The following SPECC1 variants were observed in gnomAD, a reference collection of about 807,000 sequenced individuals.
The protein encoded by SPECC1 is cytospin-B.
A neutral mutation model predicts 104.1 loss-of-function variants in SPECC1; 62 were observed. The ratio of observed to expected loss-of-function variants is 0.60; its 90% CI spans 0.49 to 0.74. SPECC1 has a LOEUF of 0.74. SPECC1 is among the 30% of genes least tolerant of loss of function. The pLI is 0.00. For synonymous variants in SPECC1, 513 were observed against 501.6 expected (o/e 1.02, Z -0.30); for missense variants, 1,306 against 1,310.5 (o/e 1.00, Z 0.05).
rs1567631634 is a variant in SPECC1, at chr17:20,317,231, AT to A, written c.*3167del. 1 of 152,468 alleles carries A rather than the reference AT, an allele frequency of 6.6e-6. No homozygotes were observed. Among genetic ancestry groups the A allele is most frequent in the Non-Finnish European group, 1.3e-5 (1 of 74,602 alleles). 9.4% of individuals were successfully genotyped at this position (152,468 alleles called of 1,614,324 possible). ...GGAGTTTGAGACCAGCCTGGGCAAC[AT>A]GGCAAGACCTCTGACTCTATAAAAA... On this transcript the variant is annotated 3_prime_UTR_variant, in exon 15 of 15. Transcript: ENST00000395527.
At chr17:20,206,531 C>G (rs1032726711) in intron 4 of SPECC1, among the ~76,000 whole-genome samples, 1 of 152,074 alleles carries the variant, frequency 6.6e-6, no homozygotes. Flanking sequence ...TCAGCATATT[C>G]CTATCATTAA....
At chr17:20,169,600 A>G (rs551827351) in intron 3 of SPECC1, among the ~76,000 whole-genome samples, 2 of 152,234 alleles carry the variant, frequency 1.3e-5, no homozygotes, top group South Asian at 4.1e-4. Flanking sequence ...TTATATATAA[A>G]ATAAGGGTAT....
chr17:20,298,948 A>AGAGAGAGAGAGTGTGTGT, intron 13 of SPECC1, among the ~76,000 whole-genome samples: 4 of 49,070 alleles, frequency 8.2e-5, no homozygotes, highest in African/African-American at 1.9e-4. Flanking sequence ...AGAGAGAGAG[A>AGAGAGAGAGAGTGTGTGT]GTGTGTGTGT....
intron 1 of SPECC1, among the ~76,000 whole-genome samples, chr17:20,037,275 G>GT (rs202174253): frequency 1.4e-3 from 209 of 149,200 alleles, no homozygotes; most frequent in African/African-American, 3.8e-3. Context: ...GTTTATTTTT[G>GT]TTTTTTTTTC....
chr17:20,222,265 G>A (rs1045606681), intron 4 of SPECC1, among the ~76,000 whole-genome samples: 6 of 152,172 alleles, frequency 3.9e-5, no homozygotes, highest in East Asian at 3.9e-4. Flanking sequence ...CCCAGGAGGC[G>A]GAGGTTGCAA....
chr17:20,099,710 A>AC (rs1567842072), intron 2 of SPECC1, among the ~76,000 whole-genome samples: 1 of 148,872 alleles, frequency 6.7e-6, no homozygotes, highest in Non-Finnish European at 1.5e-5. Flanking sequence ...AAAAAAAAAA[A>AC]AAAAAAAAAA....
intron 3 of SPECC1, among the ~76,000 whole-genome samples, chr17:20,123,825 G>A (rs55705283): frequency 0.57 from 86,319 of 152,110 alleles, 25,103 homozygotes; most frequent in Middle Eastern, 0.62. Context: ...CGATGAATAT[G>A]GTCTCCTTTA....
chr17:20,020,464 T>A (rs368019501), intron 1 of SPECC1, among the ~76,000 whole-genome samples: 2 of 152,098 alleles, frequency 1.3e-5, no homozygotes, highest in Admixed American at 6.5e-5. Flanking sequence ...GCCTCCAGAG[T>A]AGCTAACTAC....
chr17:20,091,572 GC>G (rs1168574346), intron 1 of SPECC1, among the ~76,000 whole-genome samples: 1 of 152,192 alleles, frequency 6.6e-6, no homozygotes, highest in Non-Finnish European at 1.5e-5. Flanking sequence ...ATTGCCACGT[GC>G]CCATTGGGCT....
At chr17:20,114,946 T>G (rs939845355) in intron 3 of SPECC1, among the ~76,000 whole-genome samples, 1 of 152,228 alleles carries the variant, frequency 6.6e-6, no homozygotes. Flanking sequence ...TTGCCTAAAT[T>G]ATATTTAAAT....
At chr17:20,076,538 A>G (rs2046766340) in intron 1 of SPECC1, among the ~76,000 whole-genome samples, 1 of 152,216 alleles carries the variant, frequency 6.6e-6, no homozygotes, top group Non-Finnish European at 1.5e-5. Context: ...ATATTTTCTT[A>G]AGTGATTGGT....
At chr17:20,043,837 G>C (rs1376587694) in intron 1 of SPECC1, among the ~76,000 whole-genome samples, 1 of 152,176 alleles carries the variant, frequency 6.6e-6, no homozygotes, top group African/African-American at 2.4e-5. Flanking sequence ...GTTACTCGTA[G>C]TCACAACTGC....
chr17:20,026,853 C>T (rs139192670), intron 1 of SPECC1, among the ~76,000 whole-genome samples: 7 of 152,028 alleles, frequency 4.6e-5, no homozygotes, highest in African/African-American at 1.4e-4. Context: ...TTTTGAAAAA[C>T]CTCAGTATTA....
In SPECC1 at chr17:20,318,362, G is replaced by A. The variant is rs1440698891; in HGVS notation, c.*4297G>A. On this transcript the variant is annotated 3_prime_UTR_variant, in exon 15 of 15. Coordinates refer to ENST00000395527, the MANE Select transcript of SPECC1 (RefSeq NM_001243439.2). ...GCCCCTTCTCATTTCAAAAATATTA[G>A]TCTTTTATTTTCCTTTTTCATTCAG... 1.3e-5 allele frequency: 3 copies of A among 231,724 alleles called. No individual in the cohort carries two copies. The highest frequency in any genetic ancestry group is 6.6e-5 in the African/African-American group (3 of 45,236). 14.4% of individuals were successfully genotyped at this position (231,724 alleles called of 1,614,324 possible). A position where few individuals can be genotyped will look rare whatever the true frequency, so the allele number is the denominator to read the frequency against.
intron 1 of SPECC1, among the ~76,000 whole-genome samples, chr17:20,045,227 T>C (rs1413485401): frequency 6.6e-6 from 1 of 152,206 alleles, no homozygotes; most frequent in African/African-American, 2.4e-5. Context: ...GAGTTTGTTT[T>C]CACGTAACAC....
chr17:20,125,193 A>AAAAAC (rs1353157040), intron 3 of SPECC1, among the ~76,000 whole-genome samples: 4 of 87,474 alleles, frequency 4.6e-5, no homozygotes, highest in Middle Eastern at 6.4e-3. Context: ...AAACAAAAAC[A>AAAAAC]AAAACAAAAC....
intron 12 of SPECC1, among the ~76,000 whole-genome samples, chr17:20,267,678 A>G (rs202033210): frequency 6.6e-6 from 1 of 152,170 alleles, no homozygotes; most frequent in East Asian, 1.9e-4. Flanking sequence ...CCTGGCTGGC[A>G]GCCAGCAGGA....
chr17:20,152,421 A>AT (rs779331510), intron 3 of SPECC1, among the ~76,000 whole-genome samples: 1 of 152,214 alleles, frequency 6.6e-6, no homozygotes, highest in Non-Finnish European at 1.5e-5. Context: ...CAGAGCAAGA[A>AT]TTTAAAAGAT....
intron 3 of SPECC1, among the ~76,000 whole-genome samples, chr17:20,169,748 C>T (rs1319574741): frequency 6.6e-6 from 1 of 152,180 alleles, no homozygotes; most frequent in Non-Finnish European, 1.5e-5. Flanking sequence ...AGGGATCCTC[C>T]TGCCCTGGCC....
Sources: gnomAD v4.1 joint callset for allele counts (sites outside exome capture counted in the v4.1 genomes callset) on GRCh38, gnomAD v4.1.1 for gene constraint, MANE v1.5 for transcripts, NCBI Gene and HGNC (gene_info 2026-07-23, HGNC 2026-07-21) for gene names.